TAFA2: variants seen among roughly 807,000 people sequenced by gnomAD.
TAFA2 encodes TAFA chemokine like family member 2, also known as chemokine-like protein TAFA-2.
TAFA2 carries 7 observed loss-of-function variants against 18.8 expected under a neutral mutation model. The ratio of observed to expected loss-of-function variants is 0.37; its 90% CI spans 0.21 to 0.70. TAFA2 has a LOEUF of 0.70. Ranked by LOEUF, TAFA2 falls within the 30% of genes least tolerant of loss-of-function variation. The probability of loss-of-function intolerance (pLI) is 0.53; values close to 1 mark genes in which losing one functional copy is unlikely to be tolerated. For missense variants in TAFA2, 122 were observed against 158.1 expected (o/e 0.77, Z 1.23); for synonymous variants, 60 against 54.2 (o/e 1.11, Z -0.47).
chr12:61,757,826 G>GAAAT (rs1382953846), intron 2 of TAFA2, among the ~76,000 whole-genome samples: 1 of 152,008 alleles, frequency 6.6e-6, no homozygotes, highest in Non-Finnish European at 1.5e-5. Context: ...TAAAAGAAGA[G>GAAAT]AAATAATTGT....
intron 2 of TAFA2, among the ~76,000 whole-genome samples, chr12:61,760,008 TA>T (rs1207585969): frequency 6.7e-6 from 1 of 149,846 alleles, no homozygotes; most frequent in African/African-American, 2.5e-5. Context: ...GTTAGGAGAT[TA>T]ATAGTAAAGT....
chr12:62,026,460 A>G (rs963181030), intron 1 of TAFA2, among the ~76,000 whole-genome samples: 4 of 152,066 alleles, frequency 2.6e-5, no homozygotes, highest in African/African-American at 7.2e-5. Context: ...ACCTGGAAAC[A>G]TCTCTTGTCA....
intron 1 of TAFA2, among the ~76,000 whole-genome samples, chr12:62,091,331 A>G (rs1465121743): frequency 6.6e-6 from 1 of 152,038 alleles, no homozygotes; most frequent in Non-Finnish European, 1.5e-5. Flanking sequence ...AGCTTGGCAC[A>G]TGCTTTGTAT....
In TAFA2 at chr12:61,763,392, T is replaced by C. The variant is rs796190533; in HGVS notation, c.107-8368A>G. Among the ~76,000 whole-genome samples, 5 of 152,002 alleles carry C rather than the reference T, an allele frequency of 3.3e-5. No homozygotes were observed. In the South Asian group the frequency reaches 1.0e-3, roughly 31 times the overall value. On this transcript the variant is annotated intron_variant, in intron 2 of 4. Coordinates refer to ENST00000416284, the MANE Select transcript of TAFA2 (RefSeq NM_178539.5). ...CCAGAGAATGTCCCCCAGTCTCTTTTAAGAGAAAGCGACAAAACAAAGGGA... is the reference window on the plus strand; with the variant it reads ...CCAGAGAATGTCCCCCAGTCTCTTTCAAGAGAAAGCGACAAAACAAAGGGA...
chr12:62,195,455 A>G (rs958398007), upstream of TAFA2, among the ~76,000 whole-genome samples: 6 of 152,276 alleles, frequency 3.9e-5, no homozygotes, highest in Non-Finnish European at 7.4e-5. Context: ...ATTATCTATG[A>G]CAGATGTAGC....
chr12:61,732,736 TG>T (rs1197855960), intron 4 of TAFA2, among the ~76,000 whole-genome samples: 30 of 93,732 alleles, frequency 3.2e-4, no homozygotes, highest in East Asian at 1.2e-3. Context: ...TGATTTTTTG[TG>T]TGTGTGTGTG....
intron 1 of TAFA2, among the ~76,000 whole-genome samples, chr12:62,026,912 A>C (rs184560592): frequency 6.6e-6 from 1 of 152,090 alleles, no homozygotes; most frequent in African/African-American, 2.4e-5. Context: ...TATAGGCCTA[A>C]CTTATTTGAT....
chr12:61,929,481 C>T (rs1306540407), intron 1 of TAFA2, among the ~76,000 whole-genome samples: 1 of 152,156 alleles, frequency 6.6e-6, no homozygotes, highest in Middle Eastern at 3.4e-3. Context: ...GTTAGAATGG[C>T]AATCATTAAA....
intron 1 of TAFA2, among the ~76,000 whole-genome samples, chr12:61,894,222 A>G (rs1265866667): frequency 1.3e-5 from 2 of 152,228 alleles, no homozygotes; most frequent in Non-Finnish European, 2.9e-5. Flanking sequence ...AGGTTTTTCT[A>G]AATACAAATT....
chr12:62,171,119 CTTG>C (rs1362355551), intron 1 of TAFA2, among the ~76,000 whole-genome samples: 7 of 151,918 alleles, frequency 4.6e-5, no homozygotes, highest in Admixed American at 1.3e-4. Flanking sequence ...CAATTATACC[CTTG>C]TTGTTATTAT....
Position 62,025,506 on chromosome 12 carries a change from C to T in TAFA2, c.-1-158080G>A, listed in dbSNP as rs76696329. Among the ~76,000 whole-genome samples the T allele has an allele frequency of 7.7e-3, 1,171 of 152,066 alleles. 16 individuals are homozygous for T. Among genetic ancestry groups the T allele is most frequent in the African/African-American group, 0.027 (1,121 of 41,484 alleles). ...TAATGAAAAGCTAATCTTTGACAGC[C>T]CTTCTCTCAGTAGGAAATAGATTTT... On this transcript the variant is annotated intron_variant, in intron 1 of 4. Transcript: ENST00000416284.
intron 1 of TAFA2, among the ~76,000 whole-genome samples, chr12:61,991,455 G>A (rs1291128350): frequency 2.6e-5 from 4 of 152,038 alleles, no homozygotes; most frequent in African/African-American, 9.7e-5. Context: ...AATCTACAAA[G>A]GCTTCATTTT....
At chr12:61,718,367 T>C (rs1342810647) in intron 4 of TAFA2, among the ~76,000 whole-genome samples, 2 of 152,230 alleles carry the variant, frequency 1.3e-5, no homozygotes, top group Admixed American at 6.6e-5. Context: ...CAAAGCATTT[T>C]CTGATTTTTA....
intron 1 of TAFA2, among the ~76,000 whole-genome samples, chr12:61,887,446 TA>T (rs1592461873): frequency 6.6e-6 from 1 of 151,610 alleles, no homozygotes; most frequent in African/African-American, 2.4e-5. Context: ...TTTTTTTTTT[TA>T]TTATACTTTA....
At chr12:62,247,851 T>C (rs1473325872) in intron 1 of TAFA2, among the ~76,000 whole-genome samples, 1 of 152,196 alleles carries the variant, frequency 6.6e-6, no homozygotes, top group African/African-American at 2.4e-5. Context: ...TTCAAATAAG[T>C]TGCAACTTTA....
chr12:61,776,955 G>GA (rs1355103175), intron 2 of TAFA2, among the ~76,000 whole-genome samples: 2 of 151,764 alleles, frequency 1.3e-5, no homozygotes, highest in East Asian at 3.9e-4. Context: ...TTATGCAGGG[G>GA]AAAAAACGTA....
At chr12:62,000,759 T>C (rs774119131) in intron 1 of TAFA2, among the ~76,000 whole-genome samples, 1 of 152,234 alleles carries the variant, frequency 6.6e-6, no homozygotes, top group Admixed American at 6.5e-5. Flanking sequence ...GCAATGCAAA[T>C]AACGTATTGT....
At chr12:62,144,245 C>T (rs974425751) in intron 1 of TAFA2, among the ~76,000 whole-genome samples, 11 of 152,004 alleles carry the variant, frequency 7.2e-5, no homozygotes, top group Admixed American at 7.2e-4. Context: ...AGGCAACCTC[C>T]TGTAAGAAAC....
intron 1 of TAFA2, among the ~76,000 whole-genome samples, chr12:62,082,721 A>G (rs1868342626): frequency 6.6e-6 from 1 of 152,228 alleles, no homozygotes; most frequent in South Asian, 2.1e-4. Flanking sequence ...AGGAAACAGT[A>G]ATTACATCAA....
Sources: allele counts gnomAD v4.1 joint callset (sites outside exome capture counted in the v4.1 genomes callset), GRCh38; gene constraint gnomAD v4.1.1; transcripts MANE v1.5; gene names NCBI Gene and HGNC (gene_info 2026-07-23, HGNC 2026-07-21).